KHDRBS3: variants seen among roughly 807,000 people sequenced by gnomAD.
KHDRBS3 encodes KH domain-containing, RNA-binding, signal transduction-associated protein 3.
In KHDRBS3, 23 loss-of-function variants were observed where a neutral mutation model predicts 45.6. That is an observed-to-expected ratio of 0.50 (90% CI 0.36 to 0.72). The LOEUF (loss-of-function observed/expected upper bound fraction) is 0.72, where lower values mean the gene tolerates loss of function less well. Ranked by LOEUF, KHDRBS3 falls within the 30% of genes least tolerant of loss-of-function variation. KHDRBS3 has a pLI of 0.00. For missense variants in KHDRBS3, 352 were observed against 424.8 expected (o/e 0.83, Z 1.51); for synonymous variants, 162 against 156.5 (o/e 1.04, Z -0.26).
chr8:135,567,609 A>G (rs1484104173), intron 5 of KHDRBS3, among the ~76,000 whole-genome samples: 1 of 152,216 alleles, frequency 6.6e-6, no homozygotes, highest in African/African-American at 2.4e-5. Context: ...GTTGGGTCCA[A>G]GCATGGTGTT....
intron 1 of KHDRBS3, among the ~76,000 whole-genome samples, chr8:135,483,433 TG>T (rs1394879076): frequency 1.3e-5 from 2 of 152,152 alleles, no homozygotes; most frequent in Non-Finnish European, 2.9e-5. Context: ...GCCGTCAGAT[TG>T]GGGTGTAGTA....
At chr8:135,637,955 C>T (rs34156172) in intron 7 of KHDRBS3, among the ~76,000 whole-genome samples, 6,196 of 152,120 alleles carry the variant, frequency 0.041, 180 homozygotes, top group Middle Eastern at 0.082. Context: ...GGTCCACCCA[C>T]CCCTCCTTTT....
intron 2 of KHDRBS3, among the ~76,000 whole-genome samples, chr8:135,524,492 A>G (rs1825078170): frequency 6.6e-6 from 1 of 152,212 alleles, no homozygotes; most frequent in South Asian, 2.1e-4. Context: ...TTGATAATGA[A>G]TTCAGTATCT....
intron 1 of KHDRBS3, among the ~76,000 whole-genome samples, chr8:135,459,187 C>T (rs1396484173): frequency 6.6e-6 from 1 of 152,140 alleles, no homozygotes; most frequent in Admixed American, 6.5e-5. Context: ...ATATAGATAC[C>T]TATATTTTAA....
chr8:135,634,125 T>C (rs973428905), intron 7 of KHDRBS3, among the ~76,000 whole-genome samples: 1 of 152,264 alleles, frequency 6.6e-6, no homozygotes, highest in Non-Finnish European at 1.5e-5. Context: ...GATTCTGTTG[T>C]AAACTGGGAT....
intron 1 of KHDRBS3, among the ~76,000 whole-genome samples, chr8:135,459,067 T>C (rs1284098138): frequency 6.6e-6 from 1 of 152,222 alleles, no homozygotes; most frequent in East Asian, 1.9e-4. Context: ...GGAATTACTG[T>C]GCACTGACAG....
At chr8:135,535,497 T>C (rs9694583) in intron 2 of KHDRBS3, among the ~76,000 whole-genome samples, 25,867 of 150,208 alleles carry the variant, frequency 0.17, 2,347 homozygotes, top group East Asian at 0.35. Flanking sequence ...TAGAATATAG[T>C]TTGTTCTGAA....
chr8:135,473,708 G>A (rs982657758), intron 1 of KHDRBS3, among the ~76,000 whole-genome samples: 2 of 152,016 alleles, frequency 1.3e-5, no homozygotes, highest in Admixed American at 1.3e-4. Context: ...GGAGCATAGG[G>A]GCCTCTTCCA....
intron 1 of KHDRBS3, among the ~76,000 whole-genome samples, chr8:135,505,216 A>G (rs974251029): frequency 7.5e-4 from 114 of 152,322 alleles, no homozygotes; most frequent in African/African-American, 2.4e-3. Context: ...TTCAACCCTA[A>G]GAGTTGGAGA....
At chr8:135,582,304 T>C (rs1054670619) in intron 6 of KHDRBS3, among the ~76,000 whole-genome samples, 1 of 152,182 alleles carries the variant, frequency 6.6e-6, no homozygotes, top group Non-Finnish European at 1.5e-5. Context: ...AAGAGGAGTT[T>C]GGGTGGTGGG....
chr8:135,603,909 G>A (rs1284524366), intron 6 of KHDRBS3, among the ~76,000 whole-genome samples: 1 of 150,812 alleles, frequency 6.6e-6, no homozygotes, highest in Non-Finnish European at 1.5e-5. Context: ...TATAGATGTC[G>A]ATTAGGTGTA....
chr8:135,505,940 C>T (rs4398962), intron 1 of KHDRBS3, among the ~76,000 whole-genome samples: 83,889 of 152,022 alleles, frequency 0.55, 24,265 homozygotes, highest in East Asian at 0.78. Context: ...CTCACATTCC[C>T]GATTCGCAGA....
chr8:135,641,776 C>T (rs2131184784), intron 7 of KHDRBS3, among the ~76,000 whole-genome samples: 1 of 152,294 alleles, frequency 6.6e-6, no homozygotes, highest in Non-Finnish European at 1.5e-5. Flanking sequence ...TTGTCAAAAG[C>T]TTTAATTGAG....
At chr8:135,579,388 A>C (rs1165268737) in intron 5 of KHDRBS3, among the ~76,000 whole-genome samples, 2 of 152,100 alleles carry the variant, frequency 1.3e-5, no homozygotes, top group Admixed American at 1.3e-4. Flanking sequence ...GCTGGAGTGC[A>C]TCTAGGTGGC....
intron 1 of KHDRBS3, among the ~76,000 whole-genome samples, chr8:135,485,868 ATT>A (rs1491154468): frequency 1.5e-4 from 21 of 141,218 alleles, no homozygotes; most frequent in Non-Finnish European, 4.6e-5. Context: ...ATATATATAT[ATT>A]TTATTTTTCT....
chr8:135,467,605 G>C (rs527242527), intron 1 of KHDRBS3, among the ~76,000 whole-genome samples: 1 of 152,340 alleles, frequency 6.6e-6, no homozygotes, highest in Admixed American at 6.5e-5. Flanking sequence ...TCTCCATTTA[G>C]GTTGTCTGAT....
chr8:135,502,241 C>T (rs1001324196), intron 1 of KHDRBS3, among the ~76,000 whole-genome samples: 6 of 152,134 alleles, frequency 3.9e-5, no homozygotes, highest in African/African-American at 7.2e-5. Flanking sequence ...CTTAGCATAG[C>T]GTTAAAAGTC....
At chr8:135,563,425 C>T (rs7845885) in intron 5 of KHDRBS3, among the ~76,000 whole-genome samples, 114,391 of 152,106 alleles carry the variant, frequency 0.75, 43,236 homozygotes, top group East Asian at 0.96. Flanking sequence ...AAGCCCTTGC[C>T]GAGCACGCAG....
intron 1 of KHDRBS3, among the ~76,000 whole-genome samples, chr8:135,501,886 G>T (rs55848923): frequency 6.6e-6 from 1 of 151,926 alleles, no homozygotes; most frequent in Non-Finnish European, 1.5e-5. Flanking sequence ...GCCTTATAAC[G>T]TATGAATTCT....
Sources: allele counts gnomAD v4.1 joint callset (sites outside exome capture counted in the v4.1 genomes callset), GRCh38; gene constraint gnomAD v4.1.1; transcripts MANE v1.5; gene names NCBI Gene and HGNC (gene_info 2026-07-23, HGNC 2026-07-21).